KNL1: variants seen among roughly 807,000 people sequenced by gnomAD.
The protein encoded by KNL1 is kinetochore scaffold 1, also known as outer kinetochore KNL1 complex subunit KNL1.
A neutral mutation model predicts 201.3 loss-of-function variants in KNL1; 66 were observed. The observed-to-expected ratio is 0.33, with a 90% confidence interval of 0.27 to 0.40. KNL1 has a LOEUF of 0.40. KNL1 is among the 10% of genes least tolerant of loss of function. The pLI, the probability that KNL1 is intolerant of heterozygous loss-of-function variation, is 1.00. For missense variants in KNL1, 2,815 were observed against 2,690.5 expected (o/e 1.05, Z -1.02); for synonymous variants, 895 against 899.2 (o/e 1.00, Z 0.08).
At position 40,630,138 on chromosome 15, in the gene KNL1, C is replaced by CAACA. The variant is rs1191543729; in HGVS notation, c.5682+768_5682+771dup. ...CACAGGAGTTTGAGGCCAGCCTGGG[C>CAACA]AACATATCAGTATCCTGTCTCAAAA... On this transcript the variant is annotated intron_variant, in intron 13 of 25. Coordinates refer to ENST00000399668, the MANE Select transcript of KNL1 (RefSeq NM_144508.5). 8.5e-5 allele frequency among the ~76,000 whole-genome samples: 13 copies of CAACA among 152,222 alleles called. No homozygotes were observed. In the East Asian group the frequency reaches 2.3e-3, roughly 27 times the overall value.
chr15:40,646,818 C>G lies in KNL1; in HGVS notation c.6007-169C>G, dbSNP rs1893399675. 17 of 400,152 alleles carry G rather than the reference C, an allele frequency of 4.2e-5. No homozygotes were observed. In the South Asian group the frequency reaches 4.9e-4, roughly 12 times the overall value. 24.8% of individuals were successfully genotyped at this position (400,152 alleles called of 1,614,324 possible). ...CTTGCAATGAGCCCAGATGGCGCCA[C>G]TGCACTCCAGCCTGGGTAACAGAAT... On this transcript the variant is annotated intron_variant, in intron 16 of 25. Coordinates refer to ENST00000399668, the MANE Select transcript of KNL1 (RefSeq NM_144508.5).
chr15:40,624,351 C>T lies in KNL1; in HGVS notation c.4087C>T (p.Pro1363Ser), dbSNP rs972115072. ...GGGACAGCCTCTCTCTGCTCCTTGT[C>T]CTTTGTTAGAGAAGGAAGAAGTTAT... ...SEGQPLSAPC[P>S]LLEKEEVIQT... is the part of the protein sequence containing the mutation. Residue 1363 changes from proline to serine, a missense_variant, in exon 10 of 26, where the codon CCT becomes TCT. Physicochemically the swap from Pro to Ser is moderately conservative, Grantham distance 74. Coordinates refer to ENST00000399668, the MANE Select transcript of KNL1 (RefSeq NM_144508.5). The T allele has an allele frequency of 5.6e-6, 9 of 1,613,740 alleles. No individual in the cohort carries two copies. The African/African-American group carries it at 1.1e-4, about 19-fold the overall frequency.
intron 13 of KNL1, among the ~76,000 whole-genome samples, chr15:40,632,289 A>G (rs1296267894): frequency 1.3e-5 from 2 of 151,856 alleles, no homozygotes; most frequent in African/African-American, 4.8e-5. Flanking sequence ...TAAGAAAGAA[A>G]ACGTACTCAT....
At chr15:40,635,140 C>A (rs1893018571) in intron 13 of KNL1, among the ~76,000 whole-genome samples, 1 of 151,754 alleles carries the variant, frequency 6.6e-6, no homozygotes, top group Non-Finnish European at 1.5e-5. Flanking sequence ...CCTCCACCTC[C>A]TGGGTTCATG....
chr15:40,597,498 C>T (rs1199816933), intron 1 of KNL1, among the ~76,000 whole-genome samples: 1 of 152,184 alleles, frequency 6.6e-6, no homozygotes, highest in Non-Finnish European at 1.5e-5. Flanking sequence ...TGGTCTTGAA[C>T]TCCTGGCCTC....
rs73394730 is a variant in KNL1 at position 40,597,411 on chromosome 15, T to C, written c.-18+3019T>C. On this transcript the variant is annotated intron_variant, in intron 1 of 25. Coordinates refer to ENST00000399668, the MANE Select transcript of KNL1 (RefSeq NM_144508.5). ...CTGGGATTACAGGAACACGCTTCCA[T>C]GCCTAGCTAATTTTTTTGCCCTGCT... Among the ~76,000 whole-genome samples, 522 of 152,254 alleles carry C rather than the reference T, an allele frequency of 3.4e-3. 1 individual carries two copies. The highest frequency in any genetic ancestry group is 0.012 in the African/African-American group (502 of 41,558).
chr15:40,650,344 A>G lies in KNL1; in HGVS notation c.6138A>G (p.Glu2046=). 1 of 1,613,084 alleles carries G rather than the reference A, an allele frequency of 6.2e-7. No individual in the cohort carries two copies. Among genetic ancestry groups the G allele is most frequent in the Non-Finnish European group, 8.5e-7 (1 of 1,179,166 alleles). Residue 2046 remains glutamate, a synonymous_variant, in exon 18 of 26, where the codon GAA becomes GAG. Transcript: ENST00000399668. ...ATGAAGAGAAAAACAATCCTGTGGA[A>G]GAATGGGATTCTGAAATGAGAGCTG... ...LEDEEKNNPV[E]EWDSEMRAAE...
intron 13 of KNL1, among the ~76,000 whole-genome samples, chr15:40,638,735 C>T (rs1287201131): frequency 4.6e-5 from 7 of 152,038 alleles, no homozygotes; most frequent in South Asian, 2.1e-4. Flanking sequence ...TCAGGTGATC[C>T]GCCTGCCTTG....
intron 1 of KNL1, among the ~76,000 whole-genome samples, chr15:40,598,908 A>G (rs1891697471): frequency 1.3e-5 from 2 of 151,928 alleles, no homozygotes; most frequent in South Asian, 2.1e-4. Flanking sequence ...GGCTCAAGCT[A>G]TCCTCCTGCC....
Position 40,629,367 on chromosome 15 carries a change from G to T in KNL1, c.5678G>T (p.Gly1893Val). ...AAACCCCGACAGAGCAATCTCCCAG[G>T]CAATGTAAGTGCAGTTTCTTGGCAA... ...IQKPRQSNLP[G>V]NFTVNTPPTP... Residue 1893 changes from glycine (G) to valine (V), a missense_variant, in exon 13 of 26, where the codon GGC becomes GTC. This residue lies in a region of KNL1 where 2,464 missense variants were observed against 2,291.7 expected (regional missense o/e 1.08). Transcript: ENST00000399668. 1 of 1,589,862 alleles carries T rather than the reference G, an allele frequency of 6.3e-7. No homozygotes were observed. The highest frequency in any genetic ancestry group is 8.5e-7 in the Non-Finnish European group (1 of 1,172,104).
chr15:40,629,443 G>T, intron 13 of KNL1, 72 bp downstream of exon 13: 3 of 736,406 alleles, frequency 4.1e-6, no homozygotes, highest in Non-Finnish European at 6.2e-6. Context: ...AAGAATGGAA[G>T]AGAGCAAATT....
chr15:40,625,584 GAGAAAAAAATC>G lies in KNL1; in HGVS notation c.5329_5339del (p.Ile1777Ter). On this transcript the variant is annotated frameshift_variant, in exon 10 of 26. Transcript: ENST00000399668. LOFTEE classifies it high-confidence loss of function. Reference sequence around the variant, plus strand: ...ACAAGAAGAAGAAGATATTCATAAGGAGAAAAAAATCAGAAAAAATGAGATTAAGTTTAGTG... The same window carrying G: ...ACAAGAAGAAGAAGATATTCATAAGGAGAAAAAATGAGATTAAGTTTAGTG... The G allele has an allele frequency of 6.2e-7, 1 of 1,609,028 alleles. No individual in the cohort carries two copies. The highest frequency in any genetic ancestry group is 8.5e-7 in the Non-Finnish European group (1 of 1,178,854).
intron 2 of KNL1, among the ~76,000 whole-genome samples, chr15:40,603,524 G>A (rs750738464): frequency 6.6e-5 from 10 of 152,074 alleles, no homozygotes; most frequent in African/African-American, 1.2e-4. Context: ...CTGTAGTCCC[G>A]GCACTTTGAG....
intron 13 of KNL1, among the ~76,000 whole-genome samples, chr15:40,634,672 AG>A (rs1403025677): frequency 6.6e-6 from 1 of 152,118 alleles, no homozygotes; most frequent in African/African-American, 2.4e-5. Context: ...GTGTGCATCC[AG>A]GGGCTGATAC....
At chr15:40,635,310 C>T (rs936287357) in intron 13 of KNL1, among the ~76,000 whole-genome samples, 1 of 151,930 alleles carries the variant, frequency 6.6e-6, no homozygotes, top group African/African-American at 2.4e-5. Context: ...CCTCAGCCTC[C>T]CAAAGTGCTG....
In KNL1 at chr15:40,657,424, A is replaced by C. The variant is rs773364956; in HGVS notation, c.6664A>C (p.Arg2222=). The C allele has an allele frequency of 2.5e-6, 4 of 1,599,036 alleles. No individual in the cohort carries two copies. The highest frequency in any genetic ancestry group is 3.4e-6 in the Non-Finnish European group (4 of 1,166,378). The change falls in exon 24 of 26, where the codon AGA becomes CGA. Residue 2222 remains arginine (R), a synonymous_variant. Coordinates refer to ENST00000399668, the MANE Select transcript of KNL1 (RefSeq NM_144508.5). ...TGGAGAGGAGATTGAGTATTTAAAG[A>C]GATGGGGACCAAATTATAACCTAAT... is the stretch of plus-strand genomic sequence containing the variant. ...LLGEEIEYLK[R]WGPNYNLMNI...
intron 19 of KNL1, 126 bp from the exon 20 acceptor site, chr15:40,651,345 A>T (rs974888458): frequency 6.7e-6 from 3 of 450,542 alleles, no homozygotes; most frequent in African/African-American, 6.1e-5. Flanking sequence ...GATGCCATAC[A>T]CCTAACATTA....
chr15:40,625,603 A>G lies in KNL1; in HGVS notation c.5339A>G (p.Asn1780Ser). The change falls in exon 10 of 26, where the codon AAT becomes AGT. Residue 1780 changes from asparagine (N) to serine (S), a missense_variant. Around this residue, in one of 3 missense-constraint regions of KNL1, gnomAD observed 2,464 missense variants for 2,291.7 expected, o/e 1.08. Transcript: ENST00000399668. ...CATAAGGAGAAAAAAATCAGAAAAA[A>G]TGAGATTAAGTTTAGTGATACGACA... ...DIHKEKKIRK[N>S]EIKFSDTTQD... 1 of 1,610,206 alleles carries G rather than the reference A, an allele frequency of 6.2e-7. No homozygotes were observed.
intron 1 of KNL1, among the ~76,000 whole-genome samples, chr15:40,601,468 AAGTT>A (rs1453129886): frequency 1.3e-5 from 2 of 152,162 alleles, no homozygotes; most frequent in Non-Finnish European, 2.9e-5. Flanking sequence ...ATCCTGATCA[AAGTT>A]AGTCACTGAT....
Sources: gnomAD v4.1 joint callset for allele counts (sites outside exome capture counted in the v4.1 genomes callset) on GRCh38, gnomAD v4.1.1 for gene constraint, gnomAD v4.1.1 regional missense constraint, MANE v1.5 for transcripts, NCBI Gene and HGNC (gene_info 2026-07-23, HGNC 2026-07-21) for gene names.